The following SLCO6A1 variants were observed in gnomAD, a reference collection of about 807,000 sequenced individuals.
SLCO6A1 encodes the protein cancer/testis antigen 48.
SLCO6A1 carries 65 observed loss-of-function variants against 72.7 expected under a neutral mutation model. That is an observed-to-expected ratio of 0.89 (90% CI 0.73 to 1.10). The LOEUF (loss-of-function observed/expected upper bound fraction) is 1.10. SLCO6A1 is among the 50% of genes least tolerant of loss of function. The probability of loss-of-function intolerance (pLI) is 0.00; values close to 1 mark genes in which losing one functional copy is unlikely to be tolerated. For missense variants in SLCO6A1, 874 were observed against 872.6 expected, an observed-to-expected ratio of 1.00 and a Z score of -0.02; for synonymous variants, 314 against 298.2, an observed-to-expected ratio of 1.05 and a Z score of -0.55.
intron 9 of SLCO6A1, among the ~76,000 whole-genome samples, chr5:102,409,800 GAAAT>G (rs1305008536): frequency 6.6e-6 from 1 of 152,112 alleles, no homozygotes; most frequent in Non-Finnish European, 1.5e-5. Flanking sequence ...AGAGTTTCAT[GAAAT>G]AAATAAAGTC....
intron 1 of SLCO6A1, among the ~76,000 whole-genome samples, chr5:102,493,900 C>G (rs977781838): frequency 6.6e-6 from 1 of 152,022 alleles, no homozygotes; most frequent in Non-Finnish European, 1.5e-5. Flanking sequence ...TTTATAGACT[C>G]AACAAAATCT....
intron 1 of SLCO6A1, among the ~76,000 whole-genome samples, chr5:102,495,242 C>T (rs551850179): frequency 1.3e-5 from 2 of 152,252 alleles, no homozygotes; most frequent in South Asian, 4.1e-4. Context: ...GAGGTAGGAG[C>T]AGGAAGTGAC....
chr5:102,462,507 C>G (rs1751090568), intron 4 of SLCO6A1, among the ~76,000 whole-genome samples: 1 of 152,158 alleles, frequency 6.6e-6, no homozygotes, highest in Non-Finnish European at 1.5e-5. Flanking sequence ...CTATAGTCAG[C>G]AAAGCAGCAT....
chr5:102,380,271 CA>C (rs33928513), intron 12 of SLCO6A1, among the ~76,000 whole-genome samples: 28,442 of 151,700 alleles, frequency 0.19, 3,546 homozygotes, highest in Non-Finnish European at 0.24. Context: ...AACTAAGAAA[CA>C]AAATGTTTGC....
intron 7 of SLCO6A1, among the ~76,000 whole-genome samples, chr5:102,420,925 T>C (rs570518617): frequency 6.6e-6 from 1 of 152,122 alleles, no homozygotes; most frequent in African/African-American, 2.4e-5. Flanking sequence ...ACCCGGTTCA[T>C]CTCACCGGGA....
At chr5:102,481,263 A>T (rs1752178726) in intron 1 of SLCO6A1, among the ~76,000 whole-genome samples, 1 of 152,050 alleles carries the variant, frequency 6.6e-6, no homozygotes, top group African/African-American at 2.4e-5. Flanking sequence ...AGGAGCCCAC[A>T]GTCTTCCTAT....
At chr5:102,479,426 A>G (rs1752073456) in intron 2 of SLCO6A1, among the ~76,000 whole-genome samples, 1 of 152,148 alleles carries the variant, frequency 6.6e-6, no homozygotes, top group Non-Finnish European at 1.5e-5. Flanking sequence ...AAATACAGCT[A>G]GTCATTTTAA....
At chr5:102,382,867 GT>G (rs1306053288) in intron 12 of SLCO6A1, among the ~76,000 whole-genome samples, 17 of 150,190 alleles carry the variant, frequency 1.1e-4, no homozygotes, top group African/African-American at 3.6e-4. Flanking sequence ...AGTTTTAACA[GT>G]TTTTTGGTGG....
chr5:102,381,385 TG>T (rs1561413145), intron 12 of SLCO6A1, among the ~76,000 whole-genome samples: 1 of 151,812 alleles, frequency 6.6e-6, no homozygotes, highest in African/African-American at 2.4e-5. Context: ...TCACCCACAT[TG>T]TTGCAAAAGA....
chr5:102,404,887 T>A (rs1230174493), intron 9 of SLCO6A1, among the ~76,000 whole-genome samples: 2 of 152,170 alleles, frequency 1.3e-5, no homozygotes, highest in Non-Finnish European at 1.5e-5. Context: ...AAGTAAGTTC[T>A]ACATTTGATG....
intron 1 of SLCO6A1, among the ~76,000 whole-genome samples, chr5:102,485,653 T>G (rs926783913): frequency 6.6e-6 from 1 of 152,248 alleles, no homozygotes; most frequent in Non-Finnish European, 1.5e-5. Flanking sequence ...TCCATGTGAT[T>G]CCACTGGGAG....
intron 6 of SLCO6A1, among the ~76,000 whole-genome samples, chr5:102,453,914 T>C (rs1750566834): frequency 6.6e-6 from 1 of 152,184 alleles, no homozygotes; most frequent in African/African-American, 2.4e-5. Context: ...ACTTTCACTT[T>C]CTGTTTATGT....
chr5:102,423,942 C>A (rs546143978), intron 7 of SLCO6A1, among the ~76,000 whole-genome samples: 16 of 152,100 alleles, frequency 1.1e-4, no homozygotes, highest in South Asian at 2.1e-4. Context: ...CAAAGTGCAA[C>A]CAAATTAGAT....
chr5:102,494,833 G>T (rs1444648882), intron 1 of SLCO6A1, among the ~76,000 whole-genome samples: 1 of 152,152 alleles, frequency 6.6e-6, no homozygotes, highest in Non-Finnish European at 1.5e-5. Flanking sequence ...TTTGTAATTT[G>T]GCAGTTTCTA....
At chr5:102,431,084 A>T (rs1250690734) in intron 7 of SLCO6A1, among the ~76,000 whole-genome samples, 1 of 152,138 alleles carries the variant, frequency 6.6e-6, no homozygotes, top group Non-Finnish European at 1.5e-5. Flanking sequence ...ATGTTTGTAA[A>T]GGTGCTCATA....
chr5:102,415,050 G>T (rs535701402), intron 8 of SLCO6A1, among the ~76,000 whole-genome samples: 1 of 151,912 alleles, frequency 6.6e-6, no homozygotes. Context: ...CTACAAGAAA[G>T]TAATTGTTGA....
chr5:102,378,969 T>TG (rs1163903994), intron 12 of SLCO6A1, among the ~76,000 whole-genome samples: 1 of 151,930 alleles, frequency 6.6e-6, no homozygotes, highest in Non-Finnish European at 1.5e-5. Flanking sequence ...TTAGTAGAGA[T>TG]GGGGTTTCAC....
At position 102,373,322 on chromosome 5, in the gene SLCO6A1, A is replaced by G; in HGVS notation, c.*15+15T>C. 1.4e-6 allele frequency: 2 copies of G among 1,451,158 alleles called. No individual in the cohort carries two copies. Among genetic ancestry groups the G allele is most frequent in the African/African-American group, 2.9e-5 (2 of 68,672 alleles). The allele number at this position is 1,451,158 out of a possible 1,614,324, so 89.9% of individuals were successfully genotyped here. On this transcript the variant is annotated intron_variant, in intron 13 of 13. Transcript: ENST00000506729. ...TTAATATTTCATTGATAGATTGACA[A>G]TGTGTAATTCTTACACAATGATGAT...
rs140784122 is a variant in SLCO6A1, at chr5:102,419,680, A to G, written c.1472+146T>C. The G allele has an allele frequency of 7.1e-5, 45 of 634,594 alleles. 1 individual carries two copies. The East Asian group carries it at 1.3e-3, about 18-fold the overall frequency. The allele number at this position is 634,594 out of a possible 1,614,324, so 39.3% of individuals were successfully genotyped here. ...TTTGTGCCTTACTATGAAAATTTAA[A>G]CTGTACTTTATATTTCTTTTATGTG... On this transcript the variant is annotated intron_variant, in intron 8 of 13. Transcript: ENST00000506729.
Sources: allele counts gnomAD v4.1 joint callset (sites outside exome capture counted in the v4.1 genomes callset), GRCh38; gene constraint gnomAD v4.1.1; transcripts MANE v1.5; gene names NCBI Gene and HGNC (gene_info 2026-07-23, HGNC 2026-07-21).